CACHD1: variants seen among roughly 807,000 people sequenced by gnomAD.
CACHD1 encodes the protein cache domain containing 1.
CACHD1 carries 71 observed loss-of-function variants against 138.7 expected under a neutral mutation model. The ratio of observed to expected loss-of-function variants is 0.51; its 90% CI spans 0.42 to 0.62. The LOEUF (loss-of-function observed/expected upper bound fraction) is 0.62, where lower values mean the gene tolerates loss of function less well. Ranked by LOEUF, CACHD1 falls within the 20% of genes least tolerant of loss-of-function variation. CACHD1 has a pLI of 0.00. For missense variants in CACHD1, 1,389 were observed against 1,625.3 expected (o/e 0.85, Z 2.50); for synonymous variants, 578 against 591.5 (o/e 0.98, Z 0.33).
chr1:64,570,486 T>G (rs532314272), intron 2 of CACHD1, among the ~76,000 whole-genome samples: 4 of 152,264 alleles, frequency 2.6e-5, no homozygotes, highest in Admixed American at 2.6e-4. Flanking sequence ...CTGACATGCA[T>G]GTCAGGCCTA....
chr1:64,512,393 C>CACA (rs1491187172), intron 1 of CACHD1, among the ~76,000 whole-genome samples: 2 of 78,632 alleles, frequency 2.5e-5, no homozygotes, highest in African/African-American at 1.3e-4. Flanking sequence ...GACTGTGTCT[C>CACA]AAAAAAAAAA....
intron 7 of CACHD1, among the ~76,000 whole-genome samples, chr1:64,641,180 A>T (rs1005755356): frequency 6.6e-6 from 1 of 152,060 alleles, no homozygotes; most frequent in Non-Finnish European, 1.5e-5. Flanking sequence ...CTCCCATTTT[A>T]TAGACAAAGA....
chr1:64,485,115 C>T (rs1239216588), intron 1 of CACHD1, among the ~76,000 whole-genome samples: 1 of 152,178 alleles, frequency 6.6e-6, no homozygotes, highest in Admixed American at 6.5e-5. Context: ...AATTTCTTCC[C>T]CTCCTTACCA....
chr1:64,634,040 G>C lies in CACHD1; in HGVS notation c.790-4G>C. 6.6e-7 allele frequency: 1 copy of C among 1,516,038 alleles called. No individual in the cohort carries two copies. The highest frequency in any genetic ancestry group is 8.9e-7 in the Non-Finnish European group (1 of 1,124,118). 93.9% of individuals were successfully genotyped at this position (1,516,038 alleles called of 1,614,324 possible). A position where few individuals can be genotyped will look rare whatever the true frequency, so the allele number is the denominator to read the frequency against. The stretch of plus-strand genomic sequence containing the variant: ...GTGGTTTTTTTTTTTTTTCTTTCCT[G>C]CAGATTTCTGTGTTAACTGTGGCAG... On this transcript the variant is annotated splice_polypyrimidine_tract_variant and splice_region_variant and intron_variant, in intron 6 of 26. Coordinates refer to ENST00000651257, the MANE Select transcript of CACHD1 (RefSeq NM_020925.4).
chr1:64,678,629 G>T (rs1354076105), intron 23 of CACHD1, among the ~76,000 whole-genome samples: 6 of 152,182 alleles, frequency 3.9e-5, no homozygotes, highest in African/African-American at 1.4e-4. Context: ...GCTGTCAGAA[G>T]CACAGGGCCG....
intron 4 of CACHD1, among the ~76,000 whole-genome samples, chr1:64,621,433 CCTCT>C (rs1171490919): frequency 6.6e-6 from 1 of 152,040 alleles, no homozygotes; most frequent in African/African-American, 2.4e-5. Flanking sequence ...GTTTGTTCTT[CCTCT>C]CTATTTGTAA....
rs774914240 is a variant in CACHD1 at position 64,550,587 on chromosome 1, A to T, written c.199-7A>T. 1.2e-5 allele frequency: 20 copies of T among 1,604,248 alleles called. No homozygotes were observed. In the African/African-American group the frequency reaches 1.9e-4, roughly 15 times the overall value. On this transcript the variant is annotated splice_region_variant and splice_polypyrimidine_tract_variant and intron_variant, in intron 1 of 26. Transcript: ENST00000651257. ...AAAATCTCATGTTCATTTTCTTTTC[A>T]TTGCAGCGGATATTCAACTCCTTTG...
chr1:64,591,764 T>C (rs1340398056), intron 3 of CACHD1, among the ~76,000 whole-genome samples: 3 of 152,220 alleles, frequency 2.0e-5, no homozygotes, highest in Non-Finnish European at 2.9e-5. Context: ...TGGCTCCTAC[T>C]TCTTGAGTTT....
intron 1 of CACHD1, among the ~76,000 whole-genome samples, chr1:64,501,383 C>T (rs1290065624): frequency 6.6e-6 from 1 of 152,172 alleles, no homozygotes; most frequent in Admixed American, 6.5e-5. Context: ...TATCATTTCT[C>T]TCGGGATAAA....
At chr1:64,547,439 C>T (rs1646726298) in intron 1 of CACHD1, among the ~76,000 whole-genome samples, 2 of 152,296 alleles carry the variant, frequency 1.3e-5, no homozygotes, top group South Asian at 2.1e-4. Context: ...TTTCTTGACT[C>T]ACTGCAACCT....
At chr1:64,671,195 AT>A (rs58055531) in intron 16 of CACHD1, among the ~76,000 whole-genome samples, 18,399 of 149,338 alleles carry the variant, frequency 0.12, 2,029 homozygotes, top group East Asian at 0.51. Flanking sequence ...GCTAAGGGGG[AT>A]TTTTTTTTTA....
chr1:64,632,984 C>T (rs1320083618), intron 6 of CACHD1, among the ~76,000 whole-genome samples: 1 of 152,170 alleles, frequency 6.6e-6, no homozygotes, highest in Non-Finnish European at 1.5e-5. Context: ...TCATCTAACA[C>T]AAAGCCTATT....
At chr1:64,541,808 C>G (rs1646679412) in intron 1 of CACHD1, among the ~76,000 whole-genome samples, 1 of 152,158 alleles carries the variant, frequency 6.6e-6, no homozygotes, top group African/African-American at 2.4e-5. Flanking sequence ...CTCCATCCAC[C>G]TGGGTGATAA....
At chr1:64,592,356 A>G (rs1171770111) in intron 3 of CACHD1, among the ~76,000 whole-genome samples, 10 of 152,242 alleles carry the variant, frequency 6.6e-5, no homozygotes, top group Admixed American at 6.5e-4. Flanking sequence ...ACAAAGATGA[A>G]TAACACAGTA....
At chr1:64,640,401 C>T (rs965790655) in intron 7 of CACHD1, among the ~76,000 whole-genome samples, 16 of 152,038 alleles carry the variant, frequency 1.1e-4, no homozygotes, top group African/African-American at 3.1e-4. Flanking sequence ...TGAGGCCAGG[C>T]GTGGTGGCTC....
intron 1 of CACHD1, among the ~76,000 whole-genome samples, chr1:64,538,257 T>A (rs543974873): frequency 2.0e-5 from 3 of 152,356 alleles, no homozygotes; most frequent in African/African-American, 7.2e-5. Context: ...TTTCCACATT[T>A]AAACTCATCA....
intron 26 of CACHD1, among the ~76,000 whole-genome samples, chr1:64,687,335 C>T (rs1650402040): frequency 6.6e-6 from 1 of 152,196 alleles, no homozygotes; most frequent in Admixed American, 6.5e-5. Context: ...CCACAACTTG[C>T]TATTCCCTTC....
intron 8 of CACHD1, among the ~76,000 whole-genome samples, chr1:64,646,513 A>G (rs552650531): frequency 6.6e-6 from 1 of 152,118 alleles, no homozygotes; most frequent in East Asian, 1.9e-4. Context: ...AGATCACTTG[A>G]GGCCAGGAGT....
chr1:64,477,030 C>T (rs543318486), intron 1 of CACHD1, among the ~76,000 whole-genome samples: 2 of 152,302 alleles, frequency 1.3e-5, no homozygotes, highest in African/African-American at 4.8e-5. Flanking sequence ...AGAATTTTGA[C>T]TCAGCCAGTT....
Sources: allele counts gnomAD v4.1 joint callset (sites outside exome capture counted in the v4.1 genomes callset), GRCh38; gene constraint gnomAD v4.1.1; transcripts MANE v1.5; gene names NCBI Gene and HGNC (gene_info 2026-07-23, HGNC 2026-07-21).